The following CRYL1 variants were observed in gnomAD, a reference collection of about 807,000 sequenced individuals.
CRYL1 encodes crystallin lambda 1.
A neutral mutation model predicts 36.6 loss-of-function variants in CRYL1; 29 were observed. The ratio of observed to expected loss-of-function variants is 0.79; its 90% CI spans 0.59 to 1.08. The LOEUF (loss-of-function observed/expected upper bound fraction) is 1.08, where lower values mean the gene tolerates loss of function less well. CRYL1 is among the 50% of genes least tolerant of loss of function. The probability of loss-of-function intolerance (pLI) is 0.00; values close to 1 mark genes in which losing one functional copy is unlikely to be tolerated. For synonymous variants in CRYL1, 152 were observed against 151.5 expected (o/e 1.00, Z -0.02); for missense variants, 411 against 407.9 (o/e 1.01, Z -0.06).
In CRYL1 at chr13:20,419,539, G is replaced by T. The variant is rs191648075; in HGVS notation, c.634-6152C>A. ...ACTCCTGACCTCAAGTGATCCACCC[G>T]CCTCAGCCTCCCAAAGTGCTGGGAT... On this transcript the variant is annotated intron_variant, in intron 5 of 7. Coordinates refer to ENST00000298248, the MANE Select transcript of CRYL1 (RefSeq NM_015974.3). 3.1e-3 allele frequency among the ~76,000 whole-genome samples: 477 copies of T among 151,630 alleles called. 2 individuals carry two copies. Among genetic ancestry groups the T allele is most frequent in the Admixed American group, 4.9e-3 (75 of 15,222 alleles).
chr13:20,475,901 G>A (rs2033156818), intron 3 of CRYL1, among the ~76,000 whole-genome samples: 1 of 152,208 alleles, frequency 6.6e-6, no homozygotes, highest in Non-Finnish European at 1.5e-5. Context: ...CACAGGCAGA[G>A]AGCCTGTTAA....
intron 3 of CRYL1, among the ~76,000 whole-genome samples, chr13:20,470,814 G>C (rs994800216): frequency 1.7e-4 from 25 of 151,144 alleles, no homozygotes; most frequent in African/African-American, 6.1e-4. Context: ...GGAGGCTGAG[G>C]CAGGAGAATC....
intron 1 of CRYL1, 68 bp from the exon 2 acceptor site, chr13:20,512,618 G>T: frequency 1.7e-6 from 2 of 1,175,186 alleles, no homozygotes; most frequent in Non-Finnish European, 2.5e-6. Context: ...TCCTAACCCA[G>T]AATGAGTTTT....
intron 3 of CRYL1, among the ~76,000 whole-genome samples, chr13:20,477,217 A>T (rs2033184713): frequency 6.6e-6 from 1 of 152,050 alleles, no homozygotes; most frequent in Non-Finnish European, 1.5e-5. Context: ...AGTCCTAGCT[A>T]CTCGGGAGAC....
At chr13:20,411,275 C>A (rs539629586) in intron 6 of CRYL1, among the ~76,000 whole-genome samples, 1 of 152,312 alleles carries the variant, frequency 6.6e-6, no homozygotes, top group Non-Finnish European at 1.5e-5. Context: ...ATCCGTCCAC[C>A]ATTATCATAT....
intron 5 of CRYL1, among the ~76,000 whole-genome samples, chr13:20,414,152 G>A (rs1224953031): frequency 1.3e-5 from 2 of 151,988 alleles, no homozygotes; most frequent in Non-Finnish European, 2.9e-5. Flanking sequence ...TCCAGCCTGG[G>A]CATCAGAGCA....
chr13:20,440,136 G>A (rs922487489), intron 3 of CRYL1, among the ~76,000 whole-genome samples: 5 of 152,166 alleles, frequency 3.3e-5, no homozygotes, highest in South Asian at 2.1e-4. Context: ...CAGCTAGATC[G>A]TACCCCTTTG....
chr13:20,421,836 G>A (rs1261169747), intron 5 of CRYL1, among the ~76,000 whole-genome samples: 1 of 151,650 alleles, frequency 6.6e-6, no homozygotes. Flanking sequence ...TACTAACATA[G>A]AAGCTTTGCA....
chr13:20,491,112 G>T (rs1294622253), intron 2 of CRYL1, among the ~76,000 whole-genome samples: 1 of 151,994 alleles, frequency 6.6e-6, no homozygotes, highest in Non-Finnish European at 1.5e-5. Context: ...TCGCCATGTT[G>T]CCCAGGTTGA....
intron 2 of CRYL1, among the ~76,000 whole-genome samples, chr13:20,508,033 G>T (rs2033835411): frequency 6.6e-6 from 1 of 151,244 alleles, no homozygotes; most frequent in South Asian, 2.1e-4. Context: ...TTCCAGACAA[G>T]CCTGGCCAAT....
intron 3 of CRYL1, among the ~76,000 whole-genome samples, chr13:20,471,476 T>G (rs1296794435): frequency 1.3e-5 from 2 of 151,512 alleles, no homozygotes; most frequent in Non-Finnish European, 2.9e-5. Context: ...GTGGTGGCGG[T>G]CGCCTGTAGT....
Position 20,491,104 on chromosome 13 carries a change from G to A in CRYL1, c.150-1608C>T, listed in dbSNP as rs573630839. Among the ~76,000 whole-genome samples the A allele has an allele frequency of 2.3e-3, 346 of 152,004 alleles. 1 individual carries two copies. Among genetic ancestry groups the A allele is most frequent in the Non-Finnish European group, 3.8e-3 (261 of 67,970 alleles). On this transcript the variant is annotated intron_variant, in intron 2 of 7. Transcript: ENST00000298248. ...TATTTTTTGGTAGAGACGGGGTTTC[G>A]CCATGTTGCCCAGGTTGATCTCTAA...
intron 3 of CRYL1, among the ~76,000 whole-genome samples, chr13:20,460,639 C>A (rs1044209104): frequency 2.7e-5 from 4 of 150,614 alleles, no homozygotes; most frequent in African/African-American, 9.8e-5. Flanking sequence ...CATTCTCCTG[C>A]CTCAGCCTCC....
At position 20,432,252 on chromosome 13, in the gene CRYL1, G is replaced by A; in HGVS notation, c.483C>T (p.His161=). Residue 161 remains histidine, a synonymous_variant, in exon 5 of 8, where the codon CAC becomes CAT. Transcript: ENST00000298248. ...YYIPLVELVP[H]PETAPTTVDR... is the part of the protein sequence containing the mutation. ...CCACTGTCGTAGGGGCCGTCTCCGGGTGGGGGACCAGCTCAACCAGCGGGA... is the reference window on the plus strand; with the variant it reads ...CCACTGTCGTAGGGGCCGTCTCCGGATGGGGGACCAGCTCAACCAGCGGGA... The A allele has an allele frequency of 2.5e-6, 4 of 1,613,698 alleles. No homozygotes were observed. The highest frequency in any genetic ancestry group is 1.7e-5 in the Admixed American group (1 of 59,974).
chr13:20,410,815 C>A (rs1325123581), intron 6 of CRYL1, among the ~76,000 whole-genome samples: 1 of 152,136 alleles, frequency 6.6e-6, no homozygotes, highest in African/African-American at 2.4e-5. Context: ...GATGGGGAAA[C>A]TGAGATGCAG....
intron 2 of CRYL1, among the ~76,000 whole-genome samples, chr13:20,495,894 TTCAGGCGATTCTCCTGCC>T (rs1416120796): frequency 1.3e-5 from 2 of 152,166 alleles, no homozygotes; most frequent in South Asian, 4.1e-4. Flanking sequence ...CCCTCCCGGC[TTCAGGCGATTCTCCTGCC>T]TCAGCTTCCC....
intron 2 of CRYL1, among the ~76,000 whole-genome samples, chr13:20,506,943 G>C (rs973532631): frequency 1.3e-5 from 2 of 152,188 alleles, no homozygotes; most frequent in Non-Finnish European, 2.9e-5. Context: ...CCTGGTGGGA[G>C]ATAACTGAAT....
intron 5 of CRYL1, chr13:20,419,214 A>T (rs976566189): frequency 6.6e-6 from 1 of 152,280 alleles, no homozygotes; most frequent in African/African-American, 2.4e-5. Context: ...AGGGTACTAG[A>T]CTATCCCTCT....
At position 20,523,630 on chromosome 13, in the gene CRYL1, C is replaced by T. The variant is rs142181989; in HGVS notation, c.41+2124G>A. Among the ~76,000 whole-genome samples, 81 of 151,710 alleles carry T rather than the reference C, an allele frequency of 5.3e-4. 2 individuals are homozygous for T. The highest frequency in any genetic ancestry group is 1.8e-3 in the African/African-American group (74 of 41,306). Reference sequence around the variant, plus strand: ...TGGGGCCAGGAAAGAAATAGAGGGACGAGAAAGAAGGGTGGTAAAGAGGAA... The same window carrying T: ...TGGGGCCAGGAAAGAAATAGAGGGATGAGAAAGAAGGGTGGTAAAGAGGAA... On this transcript the variant is annotated intron_variant, in intron 1 of 7. Coordinates refer to ENST00000298248, the MANE Select transcript of CRYL1 (RefSeq NM_015974.3).
Sources: gnomAD v4.1 joint callset for allele counts (sites outside exome capture counted in the v4.1 genomes callset) on GRCh38, gnomAD v4.1.1 for gene constraint, MANE v1.5 for transcripts, NCBI Gene and HGNC (gene_info 2026-07-23, HGNC 2026-07-21) for gene names.